Variants in DKK2 observed in about 807,000 individuals in gnomAD.
DKK2 encodes the protein dickkopf Wnt signaling pathway inhibitor 2, also known as dickkopf-related protein 2.
Under a neutral mutation model 28.1 loss-of-function variants are expected in DKK2, and 11 were observed. The observed-to-expected ratio is 0.39, with a 90% CI of 0.25 to 0.65. The LOEUF is 0.65. Ranked by LOEUF, DKK2 falls within the 30% of genes least tolerant of loss-of-function variation. The probability of loss-of-function intolerance (pLI) is 0.47; values close to 1 mark genes in which losing one functional copy is unlikely to be tolerated. For synonymous variants in DKK2, 135 were observed against 126.5 expected, an observed-to-expected ratio of 1.07 and a Z score of -0.45; for missense variants, 326 against 335.5, an observed-to-expected ratio of 0.97 and a Z score of 0.22.
At chr4:107,005,351 A>C (rs866309284) in intron 1 of DKK2, among the ~76,000 whole-genome samples, 1 of 151,574 alleles carries the variant, frequency 6.6e-6, no homozygotes, top group East Asian at 1.9e-4. Context: ...AAAAAAAAAA[A>C]AAAAAAAAAA....
intron 1 of DKK2, among the ~76,000 whole-genome samples, chr4:106,929,530 G>A (rs538621407): frequency 7.9e-5 from 12 of 152,236 alleles, no homozygotes; most frequent in African/African-American, 2.2e-4. Flanking sequence ...AATAGCAAAC[G>A]ATTGGCCATA....
intron 1 of DKK2, among the ~76,000 whole-genome samples, chr4:106,932,984 A>G (rs1201360302): frequency 6.6e-6 from 1 of 152,194 alleles, no homozygotes; most frequent in Admixed American, 6.5e-5. Flanking sequence ...AGTTTCTTCT[A>G]TGATAAAATG....
At chr4:106,933,152 T>C (rs1228567063) in intron 1 of DKK2, among the ~76,000 whole-genome samples, 1 of 152,186 alleles carries the variant, frequency 6.6e-6, no homozygotes, top group African/African-American at 2.4e-5. Context: ...TAACAAATAC[T>C]GTCCTGGTGA....
At chr4:106,994,935 T>C (rs2110362911) in intron 1 of DKK2, among the ~76,000 whole-genome samples, 1 of 152,344 alleles carries the variant, frequency 6.6e-6, no homozygotes, top group East Asian at 1.9e-4. Context: ...CATTCAATTT[T>C]CTATTAAAAT....
chr4:106,960,334 A>G (rs2110350114), intron 1 of DKK2, among the ~76,000 whole-genome samples: 1 of 152,198 alleles, frequency 6.6e-6, no homozygotes, highest in East Asian at 1.9e-4. Flanking sequence ...AAAACCAAAT[A>G]CCACACGTTC....
intron 1 of DKK2, among the ~76,000 whole-genome samples, chr4:106,958,960 T>G (rs900711797): frequency 2.0e-5 from 3 of 152,046 alleles, no homozygotes; most frequent in African/African-American, 7.2e-5. Context: ...TCCTAATAGA[T>G]TCAGTTTTCC....
intron 1 of DKK2, among the ~76,000 whole-genome samples, chr4:107,022,255 T>C (rs1438285289): frequency 6.6e-6 from 1 of 152,168 alleles, no homozygotes; most frequent in Non-Finnish European, 1.5e-5. Context: ...TTTGTTTTTA[T>C]TGCTACATAT....
chr4:106,957,063 A>C (rs566048334), intron 1 of DKK2, among the ~76,000 whole-genome samples: 239 of 151,986 alleles, frequency 1.6e-3, no homozygotes, highest in African/African-American at 5.6e-3. Flanking sequence ...CAAGAAAAAA[A>C]CAAACAACCC....
intron 1 of DKK2, among the ~76,000 whole-genome samples, chr4:107,021,414 G>A (rs1433599007): frequency 1.3e-5 from 2 of 152,028 alleles, no homozygotes; most frequent in Non-Finnish European, 2.9e-5. Context: ...TGAGTTCTCT[G>A]TGGTGACTAA....
chr4:106,950,415 A>G (rs1182699236), intron 1 of DKK2, among the ~76,000 whole-genome samples: 13 of 152,082 alleles, frequency 8.5e-5, no homozygotes, highest in Non-Finnish European at 1.5e-5. Flanking sequence ...CTATCCCAGC[A>G]TTCTCCACAC....
chr4:106,981,072 T>C (rs1578366481), intron 1 of DKK2, among the ~76,000 whole-genome samples: 1 of 152,118 alleles, frequency 6.6e-6, no homozygotes, highest in East Asian at 1.9e-4. Flanking sequence ...TGCCCACGTG[T>C]CATATAATAA....
rs184415953 is a variant in DKK2, at chr4:107,031,078, A to G, written c.222+4292T>C. 4.1e-3 allele frequency among the ~76,000 whole-genome samples: 627 copies of G among 152,150 alleles called. 4 individuals are homozygous for G. Among genetic ancestry groups the G allele is most frequent in the African/African-American group, 0.013 (546 of 41,562 alleles). On this transcript the variant is annotated intron_variant, in intron 1 of 3. Transcript: ENST00000285311. ...TTATCATTAAAATACTTTTCTTGCT[A>G]TTCAAGAACTAACTTTCCACTTGTA...
chr4:106,940,182 A>T (rs1476462710), intron 1 of DKK2, among the ~76,000 whole-genome samples: 1 of 152,330 alleles, frequency 6.6e-6, no homozygotes, highest in East Asian at 1.9e-4. Flanking sequence ...AACCTGCAAA[A>T]TGGGAGAAAA....
chr4:107,014,775 G>C lies in DKK2; in HGVS notation c.222+20595C>G, dbSNP rs893410490. Among the ~76,000 whole-genome samples the C allele has an allele frequency of 5.9e-5, 9 of 151,364 alleles. 1 individual carries two copies. The highest frequency in any genetic ancestry group is 5.9e-4 in the Admixed American group (9 of 15,176). ...GTACCTCATAAACATGTACAATTAT[G>C]TCTCAATTAGTCAATTATAAACAAA... On this transcript the variant is annotated intron_variant, in intron 1 of 3. Coordinates refer to ENST00000285311, the MANE Select transcript of DKK2 (RefSeq NM_014421.3).
chr4:106,993,379 C>A (rs1424852256), intron 1 of DKK2, among the ~76,000 whole-genome samples: 2 of 152,170 alleles, frequency 1.3e-5, no homozygotes, highest in Non-Finnish European at 2.9e-5. Flanking sequence ...TAACCCACTA[C>A]TAAACTTATT....
intron 1 of DKK2, among the ~76,000 whole-genome samples, chr4:107,017,394 C>A (rs1309252427): frequency 6.6e-6 from 1 of 151,900 alleles, no homozygotes; most frequent in South Asian, 2.1e-4. Flanking sequence ...TCAAGGCACA[C>A]TTGAGTGAAG....
intron 1 of DKK2, among the ~76,000 whole-genome samples, chr4:106,955,590 C>A (rs1035494720): frequency 1.3e-5 from 2 of 152,218 alleles, no homozygotes; most frequent in Admixed American, 1.3e-4. Context: ...TCACACCTAA[C>A]AATACAAAAG....
intron 1 of DKK2, among the ~76,000 whole-genome samples, chr4:106,951,749 A>G (rs1334415834): frequency 6.6e-6 from 1 of 152,188 alleles, no homozygotes; most frequent in African/African-American, 2.4e-5. Flanking sequence ...TAAAGCAAGT[A>G]TGCAAAAATG....
intron 1 of DKK2, among the ~76,000 whole-genome samples, chr4:106,995,465 G>C (rs1206320499): frequency 6.6e-6 from 1 of 152,052 alleles, no homozygotes. Flanking sequence ...AATTCATTTT[G>C]CTCTTGCTTA....
Sources: allele counts gnomAD v4.1 joint callset (sites outside exome capture counted in the v4.1 genomes callset), GRCh38; gene constraint gnomAD v4.1.1; transcripts MANE v1.5; gene names NCBI Gene and HGNC (gene_info 2026-07-23, HGNC 2026-07-21).